Variants in NSD2 observed in about 807,000 individuals in gnomAD.
NSD2 encodes the protein nuclear receptor binding SET domain protein 2.
In NSD2, 12 loss-of-function variants were observed where a neutral mutation model predicts 139.0. The ratio of observed to expected loss-of-function variants is 0.09; its 90% confidence interval spans 0.06 to 0.14. The LOEUF is 0.14. NSD2 is among the 10% of genes least tolerant of loss of function. The pLI is 1.00. For missense variants in NSD2, 1,155 were observed against 1,745.0 expected, an observed-to-expected ratio of 0.66 and a Z score of 6.02; for synonymous variants, 669 against 648.7, an observed-to-expected ratio of 1.03 and a Z score of -0.48.
chr4:1,981,164 A>G lies in NSD2; in HGVS notation c.*2255A>G, dbSNP rs1727723495. On this transcript the variant is annotated 3_prime_UTR_variant, in exon 22 of 22. Transcript: ENST00000508803. ...CTTCCAAATTTTATGATTTTTCTGA[A>G]GGAAATAATGCAAACATTTTAAATA... 4.3e-6 allele frequency: 1 copy of G among 233,214 alleles called. No individual in the cohort carries two copies. Among genetic ancestry groups the G allele is most frequent in the South Asian group, 1.8e-4 (1 of 5,534 alleles). The allele number at this position is 233,214 out of a possible 1,614,324, so 14.4% of individuals were successfully genotyped here. A position where few individuals can be genotyped will look rare whatever the true frequency, so the allele number is the denominator to read the frequency against.
intron 9 of NSD2, chr4:1,944,107 C>G: frequency 9.4e-7 from 1 of 1,066,290 alleles, no homozygotes. Flanking sequence ...ACATCGTTCC[C>G]TGGGGACATT....
Position 1,973,953 on chromosome 4 carries a change from C to T in NSD2, c.3373-910C>T, listed in dbSNP as rs1293369873. On this transcript the variant is annotated intron_variant, in intron 18 of 21. Coordinates refer to ENST00000508803, the MANE Select transcript of NSD2 (RefSeq NM_001042424.3). This position sits in a 1 kb window ranked among gnomAD's most constrained non-coding sequence, Gnocchi z 5.5. ...GTCTCCAGTTCCTGCCTTTGGCCTC[C>T]AGGCACCTGGATTTGAGTGGGTCAG... Among the ~76,000 whole-genome samples the T allele has an allele frequency of 2.0e-5, 3 of 152,182 alleles. No homozygotes were observed. The highest frequency in any genetic ancestry group is 7.2e-5 in the African/African-American group (3 of 41,444).
chr4:1,909,934 C>T (rs969365115), intron 3 of NSD2, among the ~76,000 whole-genome samples: 10 of 150,892 alleles, frequency 6.6e-5, no homozygotes, highest in East Asian at 5.8e-4. Context: ...TCACCGCGCC[C>T]GGCACCCGTT....
Position 1,892,921 on chromosome 4 carries a change from AT to A in NSD2, c.-29-7700del, listed in dbSNP as rs1173832011. Reference sequence around the variant, plus strand: ...TTTTTGTTTTAACCTCTGTATTTTTATTTTTCACCTGAGTGCTCAAATATTT... The same window carrying A: ...TTTTTGTTTTAACCTCTGTATTTTTATTTTCACCTGAGTGCTCAAATATTT... On this transcript the variant is annotated intron_variant, in intron 1 of 21. Transcript: ENST00000508803. The A allele has an allele frequency of 4.0e-5, 6 of 151,752 alleles. No homozygotes were observed. In the South Asian group the frequency reaches 1.3e-3, roughly 32 times the overall value. 9.4% of individuals were successfully genotyped at this position (151,752 alleles called of 1,614,324 possible).
At chr4:1,938,186 C>G (rs1035252236) in intron 7 of NSD2, among the ~76,000 whole-genome samples, 1 of 152,034 alleles carries the variant, frequency 6.6e-6, no homozygotes, top group African/African-American at 2.4e-5. Flanking sequence ...CTGACAGATG[C>G]GAGAGCGGGA....
At chr4:1,872,633 A>AGAGAGAGAGAGAGAGAGAGG (rs1203166315) in intron 1 of NSD2, among the ~76,000 whole-genome samples, 2 of 131,118 alleles carry the variant, frequency 1.5e-5, no homozygotes, top group African/African-American at 5.5e-5. Flanking sequence ...AGAGAGAGAG[A>AGAGAGAGAGAGAGAGAGAGG]GAGCGCGCAG....
intron 5 of NSD2, among the ~76,000 whole-genome samples, chr4:1,925,389 CTTTTTTTTTTTTTTTTTT>C (rs34335852): frequency 2.6e-5 from 1 of 37,998 alleles, no homozygotes; most frequent in African/African-American, 1.2e-4. Flanking sequence ...CTTTTTCTTT[CTTTTTTTTTTTTTTTTTT>C]TTTTTTTTTG....
In NSD2 at chr4:1,890,181, G is replaced by A. The variant is rs1195939000; in HGVS notation, c.-29-10445G>A. Among the ~76,000 whole-genome samples, 3 of 152,156 alleles carry A rather than the reference G, an allele frequency of 2.0e-5. No individual in the cohort carries two copies. In the South Asian group the frequency reaches 6.2e-4, roughly 32 times the overall value. ...TTCTTTTTGTGGCTAAATATCCATC[G>A]CATGGATAGATCATTTTGTTCAACC... is the stretch of plus-strand genomic sequence containing the variant. On this transcript the variant is annotated intron_variant, in intron 1 of 21. Coordinates refer to ENST00000508803, the MANE Select transcript of NSD2 (RefSeq NM_001042424.3).
At chr4:1,923,385 T>C (rs1720424417) in intron 5 of NSD2, among the ~76,000 whole-genome samples, 1 of 151,916 alleles carries the variant, frequency 6.6e-6, no homozygotes, top group African/African-American at 2.4e-5. Flanking sequence ...GGACAAATTC[T>C]GTAAAGAGCC....
intron 1 of NSD2, among the ~76,000 whole-genome samples, chr4:1,882,589 G>C (rs993701273): frequency 3.9e-5 from 6 of 152,242 alleles, no homozygotes; most frequent in Admixed American, 2.6e-4. Flanking sequence ...GTGTGAACCC[G>C]GGAGGTGGAG....
At chr4:1,961,572 T>G (rs1461220680) in intron 18 of NSD2, among the ~76,000 whole-genome samples, 1 of 152,264 alleles carries the variant, frequency 6.6e-6, no homozygotes, top group African/African-American at 2.4e-5. Flanking sequence ...TTTGCTTGGT[T>G]GTTGCTTGTA....
At chr4:1,884,377 G>A (rs1714925046) in intron 1 of NSD2, among the ~76,000 whole-genome samples, 1 of 151,132 alleles carries the variant, frequency 6.6e-6, no homozygotes, top group South Asian at 2.1e-4. Context: ...GATTACAAGT[G>A]TGAGCCACCG....
intron 1 of NSD2, among the ~76,000 whole-genome samples, chr4:1,873,734 G>A (rs761298557): frequency 7.2e-5 from 11 of 152,192 alleles, no homozygotes; most frequent in Non-Finnish European, 1.5e-4. Context: ...TGTAAAACAT[G>A]CAAAAGTAGC....
chr4:1,904,869 G>A (rs1024299960), intron 3 of NSD2, among the ~76,000 whole-genome samples: 3 of 152,178 alleles, frequency 2.0e-5, no homozygotes, highest in Non-Finnish European at 2.9e-5. Flanking sequence ...GGTGGCTCAC[G>A]CCTGTAATCC....
Position 1,942,321 on chromosome 4 carries a change from C to T in NSD2, c.1881+2543C>T, listed in dbSNP as rs771012684. ...TAGTAGAGCAAATTCTTATTTTTTT[C>T]GCCTTCACTGGTAACAGCTTTTGTG... On this transcript the variant is annotated intron_variant, in intron 9 of 21. Transcript: ENST00000508803. The surrounding 1 kb of genome is among the most constrained non-coding windows in gnomAD (Gnocchi z 4.0). 5 of 1,608,782 alleles carry T rather than the reference C, an allele frequency of 3.1e-6. No homozygotes were observed. Among genetic ancestry groups the T allele is most frequent in the South Asian group, 1.1e-5 (1 of 89,762 alleles).
At chr4:1,902,717 A>G (rs1055588998) in intron 2 of NSD2, among the ~76,000 whole-genome samples, 37 of 152,030 alleles carry the variant, frequency 2.4e-4, no homozygotes, top group African/African-American at 8.7e-4. Flanking sequence ...TTCTCCTCCA[A>G]CTGAAAAACA....
At chr4:1,944,980 A>G (rs1723469538) in intron 9 of NSD2, 1 of 1,063,940 alleles carries the variant, frequency 9.4e-7, no homozygotes, top group Non-Finnish European at 1.1e-6. Context: ...GCGAGGTTTC[A>G]TGACACAACC....
intron 18 of NSD2, among the ~76,000 whole-genome samples, chr4:1,969,736 A>G (rs1726251099): frequency 6.6e-6 from 1 of 152,134 alleles, no homozygotes. Flanking sequence ...CTGACCCAAA[A>G]CAGCAGAACT....
rs1461224582 is a variant in NSD2 at position 1,981,410 on chromosome 4, C to CT, written c.*2503dup. ...CAGCTTTGTTCTGAGGACGTGGTGACTTCCTGAACATCAGCTTCAATCCTC... is the reference window on the plus strand; with the variant it reads ...CAGCTTTGTTCTGAGGACGTGGTGACTTTCCTGAACATCAGCTTCAATCCTC... On this transcript the variant is annotated 3_prime_UTR_variant, in exon 22 of 22. Coordinates refer to ENST00000508803, the MANE Select transcript of NSD2 (RefSeq NM_001042424.3). 4.3e-6 allele frequency: 1 copy of CT among 233,620 alleles called. No homozygotes were observed. Among genetic ancestry groups the CT allele is most frequent in the Admixed American group, 5.6e-5 (1 of 17,792 alleles). 14.5% of individuals were successfully genotyped at this position (233,620 alleles called of 1,614,324 possible). A position where few individuals can be genotyped will look rare whatever the true frequency, so the allele number is the denominator to read the frequency against.
Sources: allele counts gnomAD v4.1 joint callset (sites outside exome capture counted in the v4.1 genomes callset), GRCh38; gene constraint gnomAD v4.1.1; non-coding constraint Gnocchi (gnomAD v3.1); transcripts MANE v1.5; gene names NCBI Gene and HGNC (gene_info 2026-07-23, HGNC 2026-07-21).